Variants in CORIN observed in about 807,000 individuals in gnomAD.
CORIN encodes the protein atrial natriuretic peptide-converting enzyme.
CORIN carries 117 observed loss-of-function variants against 125.3 expected under a neutral mutation model. That is an observed-to-expected ratio of 0.93 (90% confidence interval 0.80 to 1.09). The LOEUF is 1.09. Among genes scored for constraint, CORIN ranks in the 50% least tolerant of loss-of-function variants. The pLI, the probability that CORIN is intolerant of heterozygous loss-of-function variation, is 0.00. For missense variants in CORIN, 1,253 were observed against 1,306.7 expected, an observed-to-expected ratio of 0.96 and a Z score of 0.63; for synonymous variants, 450 against 466.4, an observed-to-expected ratio of 0.96 and a Z score of 0.45.
At chr4:47,600,815 G>T (rs2109503852) in intron 20 of CORIN, among the ~76,000 whole-genome samples, 1 of 152,328 alleles carries the variant, frequency 6.6e-6, no homozygotes, top group East Asian at 1.9e-4. Context: ...AAAAGAATAT[G>T]CCTCAATATG....
intron 6 of CORIN, among the ~76,000 whole-genome samples, chr4:47,691,605 GAAAT>G (rs1172858148): frequency 6.6e-6 from 1 of 152,144 alleles, no homozygotes; most frequent in Admixed American, 6.6e-5. Flanking sequence ...ATTCACATGA[GAAAT>G]AATTCTGATG....
At position 47,699,550 on chromosome 4, in the gene CORIN, T is replaced by C. The variant is rs1233079521; in HGVS notation, c.800-6467A>G. 4.6e-5 allele frequency among the ~76,000 whole-genome samples: 7 copies of C among 152,246 alleles called. No homozygotes were observed. In the East Asian group the frequency reaches 1.3e-3, roughly 29 times the overall value. On this transcript the variant is annotated intron_variant, in intron 5 of 21. Transcript: ENST00000273857. ...AAGGCATTTTATCAGTTTTTCTTACTGCTATACCCTGAGTCTAGAATAGAA... is the reference window on the plus strand; with the variant it reads ...AAGGCATTTTATCAGTTTTTCTTACCGCTATACCCTGAGTCTAGAATAGAA...
intron 5 of CORIN, among the ~76,000 whole-genome samples, chr4:47,695,239 A>G (rs1370482654): frequency 1.3e-5 from 2 of 152,220 alleles, no homozygotes; most frequent in South Asian, 2.1e-4. Context: ...TGGGTTTAAG[A>G]GAAAGTTTTA....
intron 2 of CORIN, among the ~76,000 whole-genome samples, chr4:47,798,632 G>T (rs1174696029): frequency 6.6e-6 from 1 of 151,950 alleles, no homozygotes; most frequent in African/African-American, 2.4e-5. Context: ...ACTTCAATAT[G>T]GCTATATTAA....
chr4:47,708,280 G>C (rs979998731), intron 5 of CORIN, among the ~76,000 whole-genome samples: 2 of 152,158 alleles, frequency 1.3e-5, no homozygotes, highest in African/African-American at 4.8e-5. Flanking sequence ...CTGTCTTCTA[G>C]AGGCATCCCT....
intron 5 of CORIN, among the ~76,000 whole-genome samples, chr4:47,732,684 C>T (rs1727930930): frequency 6.6e-6 from 1 of 152,032 alleles, no homozygotes; most frequent in Non-Finnish European, 1.5e-5. Context: ...CTGCCTCAGC[C>T]TCTTGAGGGC....
At chr4:47,740,202 G>A (rs1290007207) in intron 5 of CORIN, among the ~76,000 whole-genome samples, 1 of 151,910 alleles carries the variant, frequency 6.6e-6, no homozygotes, top group African/African-American at 2.4e-5. Context: ...CAAATAGGTT[G>A]TAAGCTCAAA....
rs1400165358 is a variant in CORIN, at chr4:47,706,507, G to A, written c.800-13424C>T. ...CAGGGCTCCCCGCCCCACCCGGCCT[G>A]ATAAAGCGCGCCAACTGGGCTACAA... On this transcript the variant is annotated intron_variant, in intron 5 of 21. Transcript: ENST00000273857. 1.1e-5 allele frequency: 18 copies of A among 1,611,460 alleles called. 1 individual carries two copies. The South Asian group carries it at 1.9e-4, about 17-fold the overall frequency.
In CORIN at chr4:47,744,454, G is replaced by A. The variant is rs561516913; in HGVS notation, c.747C>T (p.Ser249=). 3 of 1,613,960 alleles carry A rather than the reference G, an allele frequency of 1.9e-6. No individual in the cohort carries two copies. In the African/African-American group the frequency reaches 4.0e-5, roughly 22 times the overall value. Reference sequence around the variant, plus strand: ...AGAAGCAAATTCTGCTGACATTGCTGCTTTCAGTTTGGTTTCTAAACTGGG... The same window carrying A: ...AGAAGCAAATTCTGCTGACATTGCTACTTTCAGTTTGGTTTCTAAACTGGG... ...RCSQFRNQTE[S]SNVSRICFSP... Residue 249 remains serine (S), a synonymous_variant, in exon 5 of 22, where the codon AGC becomes AGT. Transcript: ENST00000273857.
At chr4:47,625,901 C>A (rs1722535258) in intron 17 of CORIN, among the ~76,000 whole-genome samples, 1 of 152,146 alleles carries the variant, frequency 6.6e-6, no homozygotes. Context: ...TTATCTTCCT[C>A]CTACACCCCA....
chr4:47,718,111 T>C (rs145113941), intron 5 of CORIN, among the ~76,000 whole-genome samples: 16 of 152,286 alleles, frequency 1.1e-4, no homozygotes, highest in African/African-American at 3.9e-4. Flanking sequence ...AGTGCTGAAA[T>C]GGACACACAA....
intron 10 of CORIN, among the ~76,000 whole-genome samples, chr4:47,671,687 C>A (rs1724766995): frequency 2.0e-5 from 3 of 152,134 alleles, no homozygotes; most frequent in Admixed American, 2.0e-4. Context: ...TGGATTCATG[C>A]CATTCTCCTG....
At chr4:47,735,460 G>GA (rs1203883355) in intron 5 of CORIN, among the ~76,000 whole-genome samples, 6 of 152,130 alleles carry the variant, frequency 3.9e-5, no homozygotes, top group Non-Finnish European at 8.8e-5. Flanking sequence ...GTGTACTTCG[G>GA]AAATTTCTGT....
At position 47,806,957 on chromosome 4, in the gene CORIN, T is replaced by C. The variant is rs1391487085; in HGVS notation, c.154A>G (p.Ile52Val). The change falls in exon 2 of 22, where the codon ATT (isoleucine) becomes GTT (valine). Residue 52 changes from isoleucine (I) to valine (V), a missense_variant. Transcript: ENST00000273857. ...AGAACGAGAGCACAGATACATGGAA[T>C]CAGGACCAGCAATAGGAACCGGAGG... ...NLLRFLLLVL[I>V]PCICALVLLL... The C allele has an allele frequency of 2.7e-5, 43 of 1,613,794 alleles. No homozygotes were observed. The highest frequency in any genetic ancestry group is 3.5e-5 in the Non-Finnish European group (41 of 1,179,858).
chr4:47,782,741 T>C (rs1184769529), intron 3 of CORIN, among the ~76,000 whole-genome samples: 1 of 152,114 alleles, frequency 6.6e-6, no homozygotes, highest in African/African-American at 2.4e-5. Context: ...TACTGACACA[T>C]GCTATATCAC....
At chr4:47,754,945 A>G (rs1056466444) in intron 4 of CORIN, among the ~76,000 whole-genome samples, 15 of 152,174 alleles carry the variant, frequency 9.9e-5, no homozygotes, top group African/African-American at 3.6e-4. Context: ...AACATAAAAG[A>G]GTTTTTGAGA....
intron 2 of CORIN, among the ~76,000 whole-genome samples, chr4:47,799,109 G>GTA (rs1731420272): frequency 1.9e-5 from 2 of 104,022 alleles, no homozygotes; most frequent in African/African-American, 7.2e-5. Context: ...CCCATGGGGT[G>GTA]TGTGTGTGTG....
At chr4:47,757,121 T>C (rs1248999299) in intron 4 of CORIN, among the ~76,000 whole-genome samples, 2 of 152,170 alleles carry the variant, frequency 1.3e-5, no homozygotes, top group Non-Finnish European at 2.9e-5. Context: ...GTATGATGAA[T>C]GATCCAAAAT....
chr4:47,594,269 GT>G lies in CORIN; in HGVS notation c.*1451del, dbSNP rs1367910126. 6.6e-6 allele frequency: 1 copy of G among 152,510 alleles called. No individual in the cohort carries two copies. The highest frequency in any genetic ancestry group is 1.5e-5 in the Non-Finnish European group (1 of 67,986). 9.4% of individuals were successfully genotyped at this position (152,510 alleles called of 1,614,324 possible). ...CTACAACTTTTTGAATTTCAACTAT[GT>G]TTACACACAGAAAAGATACAAAAAT... is the stretch of plus-strand genomic sequence containing the variant. On this transcript the variant is annotated 3_prime_UTR_variant, in exon 22 of 22. Coordinates refer to ENST00000273857, the MANE Select transcript of CORIN (RefSeq NM_006587.4).
Sources: gnomAD v4.1 joint callset for allele counts (sites outside exome capture counted in the v4.1 genomes callset) on GRCh38, gnomAD v4.1.1 for gene constraint, MANE v1.5 for transcripts, NCBI Gene and HGNC (gene_info 2026-07-23, HGNC 2026-07-21) for gene names.